The following TNPO3 variants were observed in gnomAD, a reference collection of about 807,000 sequenced individuals.
TNPO3 encodes the protein transportin 3.
In TNPO3, 65 loss-of-function variants were observed where a neutral mutation model predicts 122.8. The ratio of observed to expected loss-of-function variants is 0.53; its 90% CI spans 0.43 to 0.65. The LOEUF is 0.65. Ranked by LOEUF, TNPO3 falls within the 30% of genes least tolerant of loss-of-function variation. TNPO3 has a pLI of 0.00. For synonymous variants in TNPO3, 372 were observed against 411.2 expected (o/e 0.90, Z 1.15); for missense variants, 850 against 1,136.7 (o/e 0.75, Z 3.63).
At chr7:129,030,793 A>G (rs1039732019) in intron 1 of TNPO3, among the ~76,000 whole-genome samples, 3 of 152,176 alleles carry the variant, frequency 2.0e-5, no homozygotes, top group Non-Finnish European at 4.4e-5. Flanking sequence ...AACTATTTAA[A>G]TATTTGTTTT....
At chr7:128,986,646 G>A (rs944067530) in intron 12 of TNPO3, 83 bp downstream of exon 12, 3 of 1,340,394 alleles carry the variant, frequency 2.2e-6, no homozygotes, top group African/African-American at 3.0e-5. Flanking sequence ...CATTGCAACT[G>A]AAAAACTGGG....
intron 5 of TNPO3, among the ~76,000 whole-genome samples, chr7:129,001,799 G>A (rs957820889): frequency 1.3e-4 from 20 of 152,048 alleles, no homozygotes; most frequent in African/African-American, 4.6e-4. Flanking sequence ...AGTCATGGTC[G>A]TATCATTTCT....
intron 3 of TNPO3, among the ~76,000 whole-genome samples, chr7:129,015,366 C>T (rs780393502): frequency 6.0e-4 from 56 of 92,890 alleles, no homozygotes; most frequent in Admixed American, 2.0e-4. Flanking sequence ...TCTATATGTC[C>T]TAACATGAAA....
At chr7:128,981,396 C>T (rs2150322918) in intron 14 of TNPO3, among the ~76,000 whole-genome samples, 1 of 152,200 alleles carries the variant, frequency 6.6e-6, no homozygotes, top group East Asian at 1.9e-4. Context: ...TAGGCTCCTC[C>T]TCTTCACTTC....
At chr7:128,983,576 G>T (rs368873807) in intron 13 of TNPO3, among the ~76,000 whole-genome samples, 1 of 152,164 alleles carries the variant, frequency 6.6e-6, no homozygotes, top group Non-Finnish European at 1.5e-5. Context: ...CACATCTATA[G>T]CCCATCAATC....
chr7:129,008,053 G>T (rs979675502), intron 4 of TNPO3, among the ~76,000 whole-genome samples: 1 of 152,096 alleles, frequency 6.6e-6, no homozygotes, highest in African/African-American at 2.4e-5. Flanking sequence ...GGAGGCTGGG[G>T]CAGGAGAACT....
intron 3 of TNPO3, among the ~76,000 whole-genome samples, chr7:129,016,142 C>T (rs1278645670): frequency 2.0e-5 from 3 of 152,010 alleles, no homozygotes; most frequent in Non-Finnish European, 4.4e-5. Context: ...GTGGCTCACG[C>T]CTGTAATCCC....
At position 128,997,486 on chromosome 7, in the gene TNPO3, T is replaced by A; in HGVS notation, c.1061A>T (p.Tyr354Phe). 6.2e-7 allele frequency: 1 copy of A among 1,614,148 alleles called. No individual in the cohort carries two copies. The highest frequency in any genetic ancestry group is 8.5e-7 in the Non-Finnish European group (1 of 1,179,960). ...NFWYRLGEHL[Y>F]KTNDEVIHGI... The stretch of plus-strand genomic sequence containing the variant: ...ATGAATAACTTCATCGTTAGTTTTG[T>A]ACAAATGTTCCCCCAGTCGGTACCA... The change falls in exon 8 of 23, where the codon TAC (tyrosine) becomes TTC (phenylalanine). Residue 354 changes from tyrosine (Y) to phenylalanine (F), a missense_variant. Coordinates refer to ENST00000265388, the MANE Select transcript of TNPO3 (RefSeq NM_012470.4).
At chr7:128,958,312 T>C (rs1205434523) in intron 21 of TNPO3, among the ~76,000 whole-genome samples, 2 of 152,014 alleles carry the variant, frequency 1.3e-5, no homozygotes, top group African/African-American at 4.8e-5. Flanking sequence ...CCCGACTATT[T>C]TTTTGTATTT....
At chr7:128,984,438 C>G (rs1799942509) in intron 12 of TNPO3, among the ~76,000 whole-genome samples, 179 bp from the exon 13 acceptor site, 1 of 151,926 alleles carries the variant, frequency 6.6e-6, no homozygotes, top group Non-Finnish European at 1.5e-5. Context: ...TTTCTTTATT[C>G]TTTATTGGGC....
chr7:129,045,978 T>C (rs1299897694), intron 1 of TNPO3, among the ~76,000 whole-genome samples: 1 of 152,004 alleles, frequency 6.6e-6, no homozygotes, highest in Non-Finnish European at 1.5e-5. Flanking sequence ...GGTGGGTGGA[T>C]CACGAGATCA....
intron 1 of TNPO3, chr7:129,030,462 T>A (rs1805800884): frequency 2.0e-5 from 3 of 153,602 alleles, no homozygotes; most frequent in African/African-American, 7.3e-5. Flanking sequence ...TAGCATCCTG[T>A]GTCTTCTGCT....
chr7:129,050,381 C>CAA lies in TNPO3; in HGVS notation c.120+4268_120+4269dup, dbSNP rs35638855. 2.2e-3 allele frequency among the ~76,000 whole-genome samples: 80 copies of CAA among 35,744 alleles called. 1 individual carries two copies. Among genetic ancestry groups the CAA allele is most frequent in the Non-Finnish European group, 3.1e-3 (61 of 19,426 alleles). 23.4% of individuals were successfully genotyped at this position (35,744 alleles called of 152,430 possible). On this transcript the variant is annotated intron_variant, in intron 1 of 22. Coordinates refer to ENST00000265388, the MANE Select transcript of TNPO3 (RefSeq NM_012470.4). ...CCTGGGAGACAGCGAGACTCTGTCT[C>CAA]AAAAAAAAAAAAAAAAAAAAGGGTG...
intron 20 of TNPO3, 142 bp downstream of exon 20, chr7:128,970,006 C>T: frequency 1.2e-6 from 1 of 827,430 alleles, no homozygotes; most frequent in African/African-American, 1.7e-5. Flanking sequence ...TCTTCATCTA[C>T]CAATCTAATT....
chr7:128,963,026 A>C (rs1313409768), intron 21 of TNPO3, among the ~76,000 whole-genome samples: 1 of 152,214 alleles, frequency 6.6e-6, no homozygotes, highest in Non-Finnish European at 1.5e-5. Context: ...GCTGCCTTAG[A>C]GTCAACAGGA....
intron 8 of TNPO3, among the ~76,000 whole-genome samples, chr7:128,994,546 G>A (rs936310405): frequency 1.3e-5 from 2 of 152,172 alleles, no homozygotes; most frequent in African/African-American, 4.8e-5. Flanking sequence ...AGTAAATTAA[G>A]TGATAAGCCT....
chr7:129,052,945 G>A (rs564818839), intron 1 of TNPO3, among the ~76,000 whole-genome samples: 11 of 152,178 alleles, frequency 7.2e-5, no homozygotes, highest in African/African-American at 2.7e-4. Context: ...ATATGTGAAT[G>A]ATTTTCTTGT....
chr7:129,005,307 T>G (rs1343685832), intron 4 of TNPO3, 148 bp from the exon 5 acceptor site: 3 of 716,578 alleles, frequency 4.2e-6, no homozygotes, highest in Non-Finnish European at 6.3e-6. Context: ...TGTCACTGTT[T>G]TTTTTTTTTC....
At chr7:129,020,222 T>C (rs1053492252) in intron 1 of TNPO3, among the ~76,000 whole-genome samples, 3 of 151,924 alleles carry the variant, frequency 2.0e-5, no homozygotes, top group African/African-American at 4.8e-5. Flanking sequence ...TTTACAGATA[T>C]AGTATATTTT....
Sources: gnomAD v4.1 joint callset for allele counts (sites outside exome capture counted in the v4.1 genomes callset) on GRCh38, gnomAD v4.1.1 for gene constraint, MANE v1.5 for transcripts, NCBI Gene and HGNC (gene_info 2026-07-23, HGNC 2026-07-21) for gene names.